The following CHD9 variants were observed in gnomAD, a reference collection of about 807,000 sequenced individuals.
The protein encoded by CHD9 is chromodomain helicase DNA binding protein 9, also known as ATP-dependent chromatin remodeler CHD9.
In CHD9, 77 loss-of-function variants were observed where a neutral mutation model predicts 316.1. That is an observed-to-expected ratio of 0.24 (90% CI 0.20 to 0.29). The LOEUF (loss-of-function observed/expected upper bound fraction) is 0.29. CHD9 is among the 10% of genes least tolerant of loss of function. The pLI, the probability that CHD9 is intolerant of heterozygous loss-of-function variation, is 1.00. For synonymous variants in CHD9, 1,129 were observed against 1,158.3 expected (o/e 0.97, Z 0.51); for missense variants, 2,763 against 3,438.1 (o/e 0.80, Z 4.91).
chr16:53,229,767 C>G (rs1054205985), intron 8 of CHD9, among the ~76,000 whole-genome samples: 4 of 152,188 alleles, frequency 2.6e-5, no homozygotes, highest in Non-Finnish European at 5.9e-5. Flanking sequence ...GTCATACACA[C>G]ACGTATTTTT....
At chr16:53,276,337 G>A (rs2052818380) in intron 24 of CHD9, among the ~76,000 whole-genome samples, 1 of 152,174 alleles carries the variant, frequency 6.6e-6, no homozygotes, top group African/African-American at 2.4e-5. Flanking sequence ...TCAAATTTGT[G>A]AGCATAGATC....
chr16:53,289,395 A>G (rs1030788551), intron 27 of CHD9, among the ~76,000 whole-genome samples: 17 of 152,244 alleles, frequency 1.1e-4, no homozygotes, highest in Non-Finnish European at 2.1e-4. Context: ...TCTCTAAAAA[A>G]AGAGAGAGAG....
intron 4 of CHD9, 67 bp from the exon 5 acceptor site, chr16:53,226,299 G>A (rs1178168461): frequency 9.0e-7 from 1 of 1,112,482 alleles, no homozygotes; most frequent in Non-Finnish European, 1.2e-6. Flanking sequence ...AACTCTAGGG[G>A]TAATTATTTT....
rs180928394 is a variant in CHD9 at position 53,315,127 on chromosome 16, A to C, written c.7584+83A>C. 1.2e-4 allele frequency: 115 copies of C among 976,308 alleles called. 1 individual carries two copies. The highest frequency in any genetic ancestry group is 4.5e-4 in the Middle Eastern group (2 of 4,476). 60.5% of individuals were successfully genotyped at this position (976,308 alleles called of 1,614,324 possible). A position where few individuals can be genotyped will look rare whatever the true frequency, so the allele number is the denominator to read the frequency against. ...CATGATGAAGCATAAATTCTCATCC[A>C]CTTATGCTAAATATGTGCTCTGCCT... On this transcript the variant is annotated intron_variant, in intron 36 of 38. Transcript: ENST00000447540.
At chr16:53,070,788 A>G (rs2033981261) in intron 1 of CHD9, among the ~76,000 whole-genome samples, 1 of 152,130 alleles carries the variant, frequency 6.6e-6, no homozygotes, top group Non-Finnish European at 1.5e-5. Flanking sequence ...TCCTGACCTC[A>G]AGTGATCCGC....
At chr16:53,306,215 TG>T (rs1368411383) in intron 31 of CHD9, 21 bp from the exon 32 acceptor site, 1 of 1,405,152 alleles carries the variant, frequency 7.1e-7, no homozygotes, top group East Asian at 2.6e-5. Flanking sequence ...TTTTAAAAAA[TG>T]ATTATAATTG....
At chr16:53,242,351 C>G (rs1376218568) in intron 12 of CHD9, among the ~76,000 whole-genome samples, 4 of 152,084 alleles carry the variant, frequency 2.6e-5, no homozygotes, top group African/African-American at 9.7e-5. Context: ...TTATTTTTAT[C>G]TGTTTTGTTT....
intron 2 of CHD9, among the ~76,000 whole-genome samples, chr16:53,180,600 G>A (rs1029334662): frequency 3.9e-5 from 6 of 152,162 alleles, no homozygotes; most frequent in African/African-American, 1.4e-4. Flanking sequence ...GATTTCTTAA[G>A]TGCATATCAG....
intron 1 of CHD9, among the ~76,000 whole-genome samples, chr16:53,058,718 A>T (rs981996015): frequency 6.6e-6 from 1 of 152,134 alleles, no homozygotes; most frequent in African/African-American, 2.4e-5. Flanking sequence ...GAGATGATGA[A>T]ATTGACGTTC....
intron 1 of CHD9, among the ~76,000 whole-genome samples, chr16:53,128,635 A>G (rs556808513): frequency 8.5e-5 from 13 of 152,324 alleles, no homozygotes; most frequent in Admixed American, 1.3e-4. Flanking sequence ...GCTAACTTCA[A>G]TTGCAAAATG....
At chr16:53,192,949 T>C (rs561121667) in intron 2 of CHD9, among the ~76,000 whole-genome samples, 95 of 152,312 alleles carry the variant, frequency 6.2e-4, no homozygotes, top group African/African-American at 2.2e-3. Context: ...TATACAGCTT[T>C]TTTTTGTTAA....
chr16:53,097,249 G>A (rs1420295906), intron 1 of CHD9, among the ~76,000 whole-genome samples: 1 of 152,134 alleles, frequency 6.6e-6, no homozygotes, highest in Non-Finnish European at 1.5e-5. Flanking sequence ...TAATTTCTCA[G>A]CAATCATGCA....
intron 1 of CHD9, among the ~76,000 whole-genome samples, chr16:53,079,577 A>C (rs115937910): frequency 0.023 from 3,476 of 152,182 alleles, 133 homozygotes; most frequent in African/African-American, 0.08. Context: ...TTTCCATTAT[A>C]CCTCAGTTTA....
chr16:53,189,886 A>G (rs754731770), intron 2 of CHD9, among the ~76,000 whole-genome samples: 1 of 152,180 alleles, frequency 6.6e-6, no homozygotes, highest in Non-Finnish European at 1.5e-5. Flanking sequence ...TGTTGACAGT[A>G]TATGTGACCT....
chr16:53,290,327 G>A (rs1048037077), intron 27 of CHD9, among the ~76,000 whole-genome samples: 1 of 152,122 alleles, frequency 6.6e-6, no homozygotes, highest in Admixed American at 6.5e-5. Flanking sequence ...GCCTTGCTAT[G>A]GGAGCTAAGC....
chr16:53,193,357 G>A (rs574757844), intron 2 of CHD9, among the ~76,000 whole-genome samples: 1 of 152,110 alleles, frequency 6.6e-6, no homozygotes, highest in East Asian at 1.9e-4. Flanking sequence ...GCTGAGGCAG[G>A]AGAGTGGCAT....
intron 2 of CHD9, among the ~76,000 whole-genome samples, chr16:53,177,046 C>T (rs1029489598): frequency 6.6e-6 from 1 of 152,168 alleles, no homozygotes; most frequent in African/African-American, 2.4e-5. Flanking sequence ...GCCTCCGCCT[C>T]CCAGGTTCCA....
chr16:53,256,570 G>A (rs2050622157), intron 19 of CHD9, among the ~76,000 whole-genome samples: 1 of 149,398 alleles, frequency 6.7e-6, no homozygotes, highest in Non-Finnish European at 1.5e-5. Flanking sequence ...TGATCCACCC[G>A]CCTCGGCCTC....
At chr16:53,207,706 T>C (rs1217480512) in intron 2 of CHD9, among the ~76,000 whole-genome samples, 1 of 152,156 alleles carries the variant, frequency 6.6e-6, no homozygotes, top group East Asian at 1.9e-4. Flanking sequence ...TTTTTTCCAA[T>C]AAAAATTGCT....
Sources: allele counts gnomAD v4.1 joint callset (sites outside exome capture counted in the v4.1 genomes callset), GRCh38; gene constraint gnomAD v4.1.1; transcripts MANE v1.5; gene names NCBI Gene and HGNC (gene_info 2026-07-23, HGNC 2026-07-21).